DISP1: variants seen among roughly 807,000 people sequenced by gnomAD.
The protein encoded by DISP1 is protein dispatched homolog 1.
Under a neutral mutation model 37.3 loss-of-function variants are expected in DISP1, and 30 were observed. The observed-to-expected ratio is 0.80, with a 90% confidence interval of 0.60 to 1.09. The LOEUF (loss-of-function observed/expected upper bound fraction) is 1.09, where lower values mean the gene tolerates loss of function less well. Among genes scored for constraint, DISP1 ranks in the 50% least tolerant of loss-of-function variants. DISP1 has a pLI of 0.00. For missense variants in DISP1, 1,598 were observed against 1,879.5 expected, an observed-to-expected ratio of 0.85 and a Z score of 2.77; for synonymous variants, 634 against 690.2, an observed-to-expected ratio of 0.92 and a Z score of 1.28.
At chr1:222,880,827 G>A (rs1443920212) in intron 1 of DISP1, among the ~76,000 whole-genome samples, 5 of 152,160 alleles carry the variant, frequency 3.3e-5, no homozygotes, top group Admixed American at 6.5e-5. Flanking sequence ...TTGGGAGGCT[G>A]AGGCAGGAGG....
chr1:222,974,423 G>A (rs2609367), intron 3 of DISP1, among the ~76,000 whole-genome samples: 148,990 of 152,354 alleles, frequency 0.98, 72,930 homozygotes, highest in East Asian at 1. Flanking sequence ...TTTTTTTCAT[G>A]CTCAAAATAG....
At chr1:222,831,096 C>G (rs1362748586) in intron 1 of DISP1, 1 of 152,122 alleles carries the variant, frequency 6.6e-6, no homozygotes, top group Admixed American at 6.5e-5. Flanking sequence ...TTCCTTCTTT[C>G]TTCTGTAGGA....
chr1:222,937,103 A>G (rs959688538), intron 2 of DISP1, among the ~76,000 whole-genome samples: 42 of 138,384 alleles, frequency 3.0e-4, no homozygotes, highest in Non-Finnish European at 5.6e-4. Context: ...ATATATATAT[A>G]TTTTGAGACG....
rs916140567 is a variant in DISP1, at chr1:223,002,552, T to C, written c.1155T>C (p.Cys385=). ...ATACCTTGAAGCTGCTTCGGACTTG[T>C]GCCAAACACTACCAAAATGGCACTC... The part of the protein sequence containing the change: ...VSHTLKLLRT[C]AKHYQNGTLG... Residue 385 remains cysteine (C), a synonymous_variant, in exon 9 of 9, where the codon TGT becomes TGC. Transcript: ENST00000675850. 3.1e-6 allele frequency: 5 copies of C among 1,614,058 alleles called. No individual in the cohort carries two copies. Among genetic ancestry groups the C allele is most frequent in the East Asian group, 2.2e-5 (1 of 44,894 alleles).
chr1:222,842,535 A>C (rs980894090), intron 1 of DISP1, among the ~76,000 whole-genome samples: 2 of 152,098 alleles, frequency 1.3e-5, no homozygotes, highest in Non-Finnish European at 2.9e-5. Flanking sequence ...AACAGCAATC[A>C]ATAGTGACAG....
At chr1:222,957,991 A>C (rs571862769) in intron 3 of DISP1, among the ~76,000 whole-genome samples, 26 of 152,326 alleles carry the variant, frequency 1.7e-4, no homozygotes, top group Middle Eastern at 6.8e-3. Context: ...TTATGCAGAA[A>C]ACCTATTTTT....
chr1:222,966,400 A>G lies in DISP1; in HGVS notation c.510-16680A>G, dbSNP rs576914870. The stretch of plus-strand genomic sequence containing the variant: ...ACAGGTTATATAAGATCTATACCTC[A>G]TAAGTCATTGGAAAAGGTATTTCTA... On this transcript the variant is annotated intron_variant, in intron 3 of 8. Coordinates refer to ENST00000675850, the MANE Select transcript of DISP1 (RefSeq NM_001377229.1). 8.0e-4 allele frequency among the ~76,000 whole-genome samples: 122 copies of G among 152,358 alleles called. No homozygotes were observed. In the Middle Eastern group the frequency reaches 0.01, roughly 13 times the overall value.
chr1:222,875,763 G>T (rs1247706251), intron 1 of DISP1, among the ~76,000 whole-genome samples: 1 of 151,232 alleles, frequency 6.6e-6, no homozygotes, highest in Non-Finnish European at 1.5e-5. Flanking sequence ...GGAGGTGGAG[G>T]TTGCAGTGAG....
At chr1:222,972,766 T>C (rs1677054237) in intron 3 of DISP1, among the ~76,000 whole-genome samples, 1 of 152,222 alleles carries the variant, frequency 6.6e-6, no homozygotes, top group Non-Finnish European at 1.5e-5. Context: ...ATGTTTGTAC[T>C]GTACCTATAC....
At position 223,005,764 on chromosome 1, in the gene DISP1, A is replaced by G. The variant is rs971418626; in HGVS notation, c.4367A>G (p.Asn1456Ser). The change falls in exon 9 of 9, where the codon AAT becomes AGT. Residue 1456 changes from asparagine (N) to serine (S), a missense_variant. Coordinates refer to ENST00000675850, the MANE Select transcript of DISP1 (RefSeq NM_001377229.1). ...GCAAGTGTGAACTCAGAACATTTCA[A>G]TCAGAATGAACCAAAAGTCCTATTT... is the stretch of plus-strand genomic sequence containing the variant. Reference protein sequence around the residue: ...TDASVNSEHFNQNEPKVLFNH... With the variant: ...TDASVNSEHFSQNEPKVLFNH... 3.1e-6 allele frequency: 5 copies of G among 1,614,242 alleles called. No individual in the cohort carries two copies. The highest frequency in any genetic ancestry group is 8.5e-7 in the Non-Finnish European group (1 of 1,180,046).
chr1:222,948,068 G>A (rs1032921963), intron 3 of DISP1, among the ~76,000 whole-genome samples: 2 of 152,270 alleles, frequency 1.3e-5, no homozygotes, highest in Admixed American at 1.3e-4. Flanking sequence ...TTGGGTAGAT[G>A]GTAATGCCAT....
chr1:222,959,432 G>A (rs991622111), intron 3 of DISP1, among the ~76,000 whole-genome samples: 1 of 152,044 alleles, frequency 6.6e-6, no homozygotes, highest in Admixed American at 6.6e-5. Context: ...TGGGCACGGT[G>A]GCTCACACCT....
At chr1:222,860,861 A>T (rs536840063) in intron 1 of DISP1, among the ~76,000 whole-genome samples, 1 of 152,250 alleles carries the variant, frequency 6.6e-6, no homozygotes, top group Admixed American at 6.5e-5. Context: ...AGACAGAGTG[A>T]GACTTTGTCT....
chr1:222,850,687 G>A (rs1558292163), intron 1 of DISP1, among the ~76,000 whole-genome samples: 1 of 152,138 alleles, frequency 6.6e-6, no homozygotes, highest in Non-Finnish European at 1.5e-5. Flanking sequence ...GTGAGAACAT[G>A]CAATGTTTGT....
chr1:222,966,696 C>T (rs953286727), intron 3 of DISP1, among the ~76,000 whole-genome samples: 1 of 152,112 alleles, frequency 6.6e-6, no homozygotes, highest in African/African-American at 2.4e-5. Context: ...ACAAGTGAGC[C>T]TTTGAGGTGC....
chr1:222,910,404 A>G (rs557399831), intron 1 of DISP1, among the ~76,000 whole-genome samples: 1 of 152,268 alleles, frequency 6.6e-6, no homozygotes, highest in South Asian at 2.1e-4. Flanking sequence ...CAAAATTAAG[A>G]CATTTTAACA....
intron 1 of DISP1, among the ~76,000 whole-genome samples, chr1:222,869,303 A>G (rs763347814): frequency 2.2e-4 from 33 of 152,324 alleles, no homozygotes; most frequent in Non-Finnish European, 3.1e-4. Context: ...TAGATTTCAC[A>G]TAGCACTAAC....
intron 1 of DISP1, chr1:222,824,046 G>A (rs1258154881): frequency 1.3e-5 from 2 of 151,704 alleles, no homozygotes; most frequent in Non-Finnish European, 2.9e-5. Context: ...CATATTATAT[G>A]CCTTAGTTGC....
At chr1:222,955,151 A>G (rs1675505603) in intron 3 of DISP1, among the ~76,000 whole-genome samples, 2 of 151,862 alleles carry the variant, frequency 1.3e-5, no homozygotes, top group South Asian at 2.1e-4. Context: ...CAGTGGCACA[A>G]TCTTGGCTCA....
Sources: allele counts gnomAD v4.1 joint callset (sites outside exome capture counted in the v4.1 genomes callset), GRCh38; gene constraint gnomAD v4.1.1; transcripts MANE v1.5; gene names NCBI Gene and HGNC (gene_info 2026-07-23, HGNC 2026-07-21).